Variants in OSBPL1A observed in about 807,000 individuals in gnomAD.
The protein encoded by OSBPL1A is oxysterol-binding protein-related protein 1.
In OSBPL1A, 80 loss-of-function variants were observed where a neutral mutation model predicts 137.1. The observed-to-expected ratio is 0.58, with a 90% CI of 0.49 to 0.70. OSBPL1A has a LOEUF of 0.70. Among genes scored for constraint, OSBPL1A ranks in the 30% least tolerant of loss-of-function variants. The pLI is 0.00. For missense variants in OSBPL1A, 970 were observed against 1,129.4 expected (o/e 0.86, Z 2.02); for synonymous variants, 365 against 389.7 (o/e 0.94, Z 0.75).
intron 23 of OSBPL1A, among the ~76,000 whole-genome samples, chr18:24,171,095 T>C (rs905387831): frequency 1.3e-5 from 2 of 151,530 alleles, no homozygotes; most frequent in Non-Finnish European, 2.9e-5. Flanking sequence ...AGTGTGGTGG[T>C]GCGATCTCGG....
chr18:24,308,958 A>C (rs1239945871), intron 13 of OSBPL1A, among the ~76,000 whole-genome samples: 1 of 152,084 alleles, frequency 6.6e-6, no homozygotes. Context: ...TTTAGCAGAG[A>C]CCAAGTTTCA....
At chr18:24,239,864 T>C (rs769453706) in intron 15 of OSBPL1A, among the ~76,000 whole-genome samples, 2 of 151,394 alleles carry the variant, frequency 1.3e-5, no homozygotes, top group Admixed American at 1.3e-4. Flanking sequence ...AGTTGGTATA[T>C]CAAATGAAGG....
At position 24,166,624 on chromosome 18, in the gene OSBPL1A, A is replaced by T; in HGVS notation, c.2614T>A (p.Cys872Ser). The T allele has an allele frequency of 6.2e-7, 1 of 1,613,406 alleles. No individual in the cohort carries two copies. ...DMESVIPKTD[C>S]RLRPDIRAME... ...GCTCTGATGTCAGGCCGTAACCTGC[A>T]GTCTGTCTTGGGAATCACACTCTCC... Residue 872 changes from cysteine (C) to serine (S), a missense_variant, in exon 26 of 28, where the codon TGC becomes AGC. Around this residue, in one of 2 missense-constraint regions of OSBPL1A, gnomAD observed 323 missense variants for 456.8 expected, o/e 0.71. Coordinates refer to ENST00000319481, the MANE Select transcript of OSBPL1A (RefSeq NM_080597.4).
At chr18:24,307,257 T>C (rs2090521693) in intron 13 of OSBPL1A, among the ~76,000 whole-genome samples, 1 of 152,084 alleles carries the variant, frequency 6.6e-6, no homozygotes. Context: ...CACTCCAGCC[T>C]GGATGACAAA....
At chr18:24,167,192 A>C (rs1599420861) in intron 25 of OSBPL1A, 137 bp downstream of exon 25, 1 of 731,010 alleles carries the variant, frequency 1.4e-6, no homozygotes, top group Non-Finnish European at 2.4e-6. Flanking sequence ...AGAAGGGAGC[A>C]CCCGGGAGCC....
Position 24,280,960 on chromosome 18 carries a change from A to T in OSBPL1A, c.1175-12T>A. On this transcript the variant is annotated splice_polypyrimidine_tract_variant and intron_variant, in intron 14 of 27. Coordinates refer to ENST00000319481, the MANE Select transcript of OSBPL1A (RefSeq NM_080597.4). ...TGATGGAAGCATTTCTATAAAGAAA[A>T]AAATAAATACAGTGAGTCGGATTTT... 6.4e-7 allele frequency: 1 copy of T among 1,554,736 alleles called. No homozygotes were observed. The highest frequency in any genetic ancestry group is 8.7e-7 in the Non-Finnish European group (1 of 1,143,814).
chr18:24,187,358 T>C (rs2086778248), intron 18 of OSBPL1A, among the ~76,000 whole-genome samples: 1 of 152,186 alleles, frequency 6.6e-6, no homozygotes. Flanking sequence ...CCACTGAACT[T>C]TATACTTAAA....
Position 24,179,783 on chromosome 18 carries a change from C to G in OSBPL1A, c.1865G>C (p.Gly622Ala). ...TCCCAGCAGTGGGTTGAAAGGTTTT[C>G]CAGTCCGTTCCCACTGAGAAGCAAC... Reference protein sequence around the residue: ...SAVASQWERTGKPFNPLLGET... With the variant: ...SAVASQWERTAKPFNPLLGET... Residue 622 changes from glycine (G) to alanine (A), a missense_variant, in exon 20 of 28, where the codon GGA becomes GCA. By Grantham distance (60) the Gly-to-Ala change is moderately conservative. Coordinates refer to ENST00000319481, the MANE Select transcript of OSBPL1A (RefSeq NM_080597.4). 1 of 1,614,194 alleles carries G rather than the reference C, an allele frequency of 6.2e-7. No homozygotes were observed. The highest frequency in any genetic ancestry group is 8.5e-7 in the Non-Finnish European group (1 of 1,180,038).
intron 17 of OSBPL1A, among the ~76,000 whole-genome samples, chr18:24,205,559 T>C (rs945357333): frequency 2.0e-5 from 3 of 152,228 alleles, no homozygotes; most frequent in South Asian, 2.1e-4. Flanking sequence ...TGGTCAGTGA[T>C]ATAAAACATT....
intron 15 of OSBPL1A, among the ~76,000 whole-genome samples, chr18:24,240,171 G>A (rs1418175946): frequency 2.0e-5 from 3 of 152,018 alleles, no homozygotes; most frequent in Non-Finnish European, 4.4e-5. Flanking sequence ...TGATCTGCCC[G>A]CCTGGGCCTC....
intron 18 of OSBPL1A, among the ~76,000 whole-genome samples, chr18:24,194,272 G>A (rs1416155037): frequency 6.6e-6 from 1 of 152,178 alleles, no homozygotes; most frequent in Non-Finnish European, 1.5e-5. Context: ...TTTTTCAAAT[G>A]GTGGGTCTGG....
At chr18:24,375,084 ATGAGAGGATCGCT>A in intron 2 of OSBPL1A, among the ~76,000 whole-genome samples, 1 of 152,158 alleles carries the variant, frequency 6.6e-6, no homozygotes, top group East Asian at 1.9e-4. Context: ...GGAGGCTGAG[ATGAGAGGATCGCT>A]TGAGACCAGG....
rs7242766 is a variant in OSBPL1A at position 24,346,116 on chromosome 18, C to T, written c.283-4458G>A. On this transcript the variant is annotated intron_variant, in intron 4 of 27. Coordinates refer to ENST00000319481, the MANE Select transcript of OSBPL1A (RefSeq NM_080597.4). ...AGAGTATGTTTGGACCAGCAGCACA[C>T]GGGTGAGGGCAAAGAACAAAGTTAA... is the stretch of plus-strand genomic sequence containing the variant. Among the ~76,000 whole-genome samples the T allele has an allele frequency of 9.6e-3, 1,463 of 152,214 alleles. 25 individuals carry two copies. The highest frequency in any genetic ancestry group is 0.032 in the African/African-American group (1,308 of 41,522).
intron 4 of OSBPL1A, among the ~76,000 whole-genome samples, chr18:24,351,122 C>T (rs1168078310): frequency 6.6e-6 from 1 of 151,848 alleles, no homozygotes; most frequent in African/African-American, 2.4e-5. Flanking sequence ...CAAAAGTGGG[C>T]AGATCATTTA....
chr18:24,228,343 C>T (rs567707588), intron 16 of OSBPL1A, among the ~76,000 whole-genome samples: 5 of 151,316 alleles, frequency 3.3e-5, no homozygotes, highest in Non-Finnish European at 7.4e-5. Context: ...TCAAACCTCT[C>T]GCTATAATAT....
intron 2 of OSBPL1A, among the ~76,000 whole-genome samples, chr18:24,369,492 G>T (rs997954658): frequency 1.3e-5 from 2 of 152,138 alleles, no homozygotes; most frequent in African/African-American, 2.4e-5. Context: ...TATTCCAGGG[G>T]CCACTGCAGG....
chr18:24,366,123 G>A (rs1416862853), intron 4 of OSBPL1A, among the ~76,000 whole-genome samples: 1 of 152,154 alleles, frequency 6.6e-6, no homozygotes, highest in Non-Finnish European at 1.5e-5. Flanking sequence ...TAATTTGCTA[G>A]AGCAGCCCAC....
chr18:24,165,006 C>T (rs896542729), intron 27 of OSBPL1A, 59 bp downstream of exon 27: 65 of 1,552,956 alleles, frequency 4.2e-5, no homozygotes, highest in South Asian at 3.7e-4. Context: ...ATCCCTGCCT[C>T]GTCTGCACAC....
At chr18:24,263,266 TGTCA>T (rs2089484065) in intron 15 of OSBPL1A, among the ~76,000 whole-genome samples, 1 of 152,242 alleles carries the variant, frequency 6.6e-6, no homozygotes, top group African/African-American at 2.4e-5. Context: ...TCCCAAGTTT[TGTCA>T]GTATGTATAT....
Sources: allele counts gnomAD v4.1 joint callset (sites outside exome capture counted in the v4.1 genomes callset), GRCh38; gene constraint gnomAD v4.1.1; regional missense constraint gnomAD v4.1.1; transcripts MANE v1.5; gene names NCBI Gene and HGNC (gene_info 2026-07-23, HGNC 2026-07-21).